The following IKZF2 variants were observed in gnomAD, a reference collection of about 807,000 sequenced individuals.
The protein encoded by IKZF2 is zinc finger protein Helios.
IKZF2 carries 15 observed loss-of-function variants against 49.2 expected under a neutral mutation model. That is an observed-to-expected ratio of 0.30 (90% CI 0.20 to 0.47). The LOEUF is 0.47. Ranked by LOEUF, IKZF2 falls within the 20% of genes least tolerant of loss-of-function variation. The pLI is 1.00. For synonymous variants in IKZF2, 227 were observed against 221.4 expected (o/e 1.03, Z -0.23); for missense variants, 567 against 664.6 (o/e 0.85, Z 1.61).
intron 4 of IKZF2, among the ~76,000 whole-genome samples, chr2:213,060,648 C>T (rs1160360124): frequency 6.6e-6 from 1 of 151,328 alleles, no homozygotes; most frequent in Non-Finnish European, 1.5e-5. Flanking sequence ...GAAATGTACA[C>T]ACGTTATCAT....
At chr2:213,046,310 T>C (rs143000998) in intron 6 of IKZF2, among the ~76,000 whole-genome samples, 5 of 152,274 alleles carry the variant, frequency 3.3e-5, no homozygotes, top group African/African-American at 9.6e-5. Context: ...AGCCCAAGTA[T>C]ACTGTATGAG....
chr2:213,020,313 T>A (rs887328266), intron 7 of IKZF2, among the ~76,000 whole-genome samples: 2 of 152,152 alleles, frequency 1.3e-5, no homozygotes, highest in South Asian at 4.1e-4. Flanking sequence ...ACATTTACTG[T>A]TATTCAGTTA....
rs1460401284 is a variant in IKZF2 at position 213,124,248 on chromosome 2, GCGCGCACACA to G, written c.139+23450_139+23459del. On this transcript the variant is annotated intron_variant, in intron 4 of 8. Transcript: ENST00000434687. ...TGCACGCACACATGCGCTCGCGCGC[GCGCGCACACA>G]CACACACACACACACACACACACAC... is the stretch of plus-strand genomic sequence containing the variant. Among the ~76,000 whole-genome samples the G allele has an allele frequency of 1.2e-4, 14 of 115,542 alleles. 1 individual carries two copies. In the South Asian group the frequency reaches 3.1e-3, roughly 25 times the overall value. 75.8% of individuals were successfully genotyped at this position (115,542 alleles called of 152,430 possible).
rs1695453568 is a variant in IKZF2 at position 213,007,495 on chromosome 2, G to A, written c.1446C>T (p.Asp482=). The A allele has an allele frequency of 6.2e-7, 1 of 1,613,692 alleles. No individual in the cohort carries two copies. The highest frequency in any genetic ancestry group is 8.5e-7 in the Non-Finnish European group (1 of 1,179,716). ...CCATGTGAATGGTGTACATGACATGGTCTAGGAAAAGGACTCGGCAGTGCT... is the reference window on the plus strand; with the variant it reads ...CCATGTGAATGGTGTACATGACATGATCTAGGAAAAGGACTCGGCAGTGCT... The part of the protein sequence containing the change: ...KCEHCRVLFL[D]HVMYTIHMGC... Residue 482 remains aspartate, a synonymous_variant, in exon 9 of 9, where the codon GAC becomes GAT. Transcript: ENST00000434687.
At chr2:213,139,965 T>A (rs2060808462) in intron 4 of IKZF2, among the ~76,000 whole-genome samples, 1 of 151,968 alleles carries the variant, frequency 6.6e-6, no homozygotes, top group Admixed American at 6.6e-5. Flanking sequence ...ACACAAAATA[T>A]CAATTCATTT....
intron 6 of IKZF2, among the ~76,000 whole-genome samples, chr2:213,023,474 GCTT>G (rs1024279022): frequency 8.5e-5 from 13 of 152,136 alleles, no homozygotes; most frequent in African/African-American, 3.1e-4. Context: ...TGGCAAACCA[GCTT>G]CTATTTTTTG....
chr2:213,006,597 T>G lies in IKZF2; in HGVS notation c.*763A>C, dbSNP rs904994434. 5 of 152,370 alleles carry G rather than the reference T, an allele frequency of 3.3e-5. No individual in the cohort carries two copies. The highest frequency in any genetic ancestry group is 1.3e-4 in the Admixed American group (2 of 15,246). The allele number at this position is 152,370 out of a possible 1,614,324, so 9.4% of individuals were successfully genotyped here. ...TCTGAAAACTACATAAAAATACTAT[T>G]CCTTAAAGGTGTTAAAAGTAAGGCT... On this transcript the variant is annotated 3_prime_UTR_variant, in exon 9 of 9. Transcript: ENST00000434687.
At chr2:213,076,163 C>T (rs1559240772) in intron 4 of IKZF2, among the ~76,000 whole-genome samples, 1 of 151,906 alleles carries the variant, frequency 6.6e-6, no homozygotes, top group African/African-American at 2.4e-5. Flanking sequence ...CGGAAGTAAA[C>T]TTCATGAAAC....
At chr2:213,010,074 T>A (rs1013969597) in intron 8 of IKZF2, among the ~76,000 whole-genome samples, 1 of 152,036 alleles carries the variant, frequency 6.6e-6, no homozygotes, top group African/African-American at 2.4e-5. Flanking sequence ...AGCAAAGGGG[T>A]TTAGGAAATT....
chr2:213,111,552 A>G (rs1056648763), intron 4 of IKZF2, among the ~76,000 whole-genome samples: 1 of 152,090 alleles, frequency 6.6e-6, no homozygotes, highest in African/African-American at 2.4e-5. Flanking sequence ...TCAAATTTTT[A>G]TAATCTTATT....
chr2:213,007,519 C>T lies in IKZF2; in HGVS notation c.1422G>A (p.Glu474=), dbSNP rs1695456895. The part of the protein sequence containing the change: ...EGEQIRAFKC[E]HCRVLFLDHV... The stretch of plus-strand genomic sequence containing the variant: ...GGTCTAGGAAAAGGACTCGGCAGTG[C>T]TCACACTTGAAGGCCCTAATCTGTT... The change falls in exon 9 of 9, where the codon GAG becomes GAA. Residue 474 remains glutamate, a synonymous_variant. Coordinates refer to ENST00000434687, the MANE Select transcript of IKZF2 (RefSeq NM_001387220.1). 6.2e-7 allele frequency: 1 copy of T among 1,613,708 alleles called. No individual in the cohort carries two copies. Among genetic ancestry groups the T allele is most frequent in the Non-Finnish European group, 8.5e-7 (1 of 1,179,720 alleles).
chr2:213,096,807 G>C (rs540619766), intron 4 of IKZF2, among the ~76,000 whole-genome samples: 1 of 152,056 alleles, frequency 6.6e-6, no homozygotes, highest in East Asian at 1.9e-4. Flanking sequence ...ATTTAAACTT[G>C]CATGAGTACT....
At chr2:213,049,932 CTAAT>C in intron 5 of IKZF2, 52 bp from the exon 6 acceptor site, 1 of 1,302,340 alleles carries the variant, frequency 7.7e-7, no homozygotes. Flanking sequence ...GTGCAAGTGA[CTAAT>C]TTGCCATCCA....
intron 4 of IKZF2, among the ~76,000 whole-genome samples, chr2:213,081,808 C>T (rs1553572059): frequency 6.6e-6 from 1 of 152,048 alleles, no homozygotes; most frequent in Non-Finnish European, 1.5e-5. Context: ...CAAGGTCAGA[C>T]CAGAACTGAC....
At chr2:213,101,799 A>G (rs186509151) in intron 4 of IKZF2, among the ~76,000 whole-genome samples, 238 of 152,312 alleles carry the variant, frequency 1.6e-3, no homozygotes, top group Middle Eastern at 6.8e-3. Flanking sequence ...TAATGATAGT[A>G]GCTGTGGCAA....
intron 7 of IKZF2, among the ~76,000 whole-genome samples, chr2:213,020,243 CA>C (rs905395371): frequency 6.6e-6 from 1 of 152,076 alleles, no homozygotes; most frequent in Non-Finnish European, 1.5e-5. Context: ...ATTTGGTCAG[CA>C]AATGAAACTT....
chr2:213,047,604 G>A (rs1369959509), intron 6 of IKZF2, among the ~76,000 whole-genome samples: 2 of 152,082 alleles, frequency 1.3e-5, no homozygotes, highest in Non-Finnish European at 2.9e-5. Context: ...ATCTGGTCCT[G>A]TTGTATTGGA....
In IKZF2 at chr2:213,001,203, G is replaced by A. The variant is rs1264838274; in HGVS notation, c.*6157C>T. 6.6e-6 allele frequency: 1 copy of A among 151,890 alleles called. No homozygotes were observed. Among genetic ancestry groups the A allele is most frequent in the African/African-American group, 2.4e-5 (1 of 41,348 alleles). 9.4% of individuals were successfully genotyped at this position (151,890 alleles called of 1,614,324 possible). The stretch of plus-strand genomic sequence containing the variant: ...ATTGCAAATAACACATGGTCTAAAA[G>A]GTCCAACTATTAACAGCAAATATGG... On this transcript the variant is annotated 3_prime_UTR_variant, in exon 9 of 9. Coordinates refer to ENST00000434687, the MANE Select transcript of IKZF2 (RefSeq NM_001387220.1).
chr2:213,125,286 TTC>T (rs2060220066), intron 4 of IKZF2, among the ~76,000 whole-genome samples: 2 of 152,212 alleles, frequency 1.3e-5, no homozygotes, highest in African/African-American at 2.4e-5. Flanking sequence ...AAAATCTTTT[TTC>T]TCTCTTTCTC....
Sources: gnomAD v4.1 joint callset for allele counts (sites outside exome capture counted in the v4.1 genomes callset) on GRCh38, gnomAD v4.1.1 for gene constraint, MANE v1.5 for transcripts, NCBI Gene and HGNC (gene_info 2026-07-23, HGNC 2026-07-21) for gene names.